The following ROBO2 variants were observed in gnomAD, a reference collection of about 807,000 sequenced individuals.
ROBO2 encodes the protein roundabout guidance receptor 2, also known as roundabout homolog 2.
ROBO2 carries 53 observed loss-of-function variants against 160.8 expected under a neutral mutation model. The ratio of observed to expected loss-of-function variants is 0.33; its 90% CI spans 0.26 to 0.41. The LOEUF (loss-of-function observed/expected upper bound fraction) is 0.41, where lower values mean the gene tolerates loss of function less well. ROBO2 is among the 10% of genes least tolerant of loss of function. The pLI, the probability that ROBO2 is intolerant of heterozygous loss-of-function variation, is 1.00. For synonymous variants in ROBO2, 664 were observed against 611.7 expected, an observed-to-expected ratio of 1.09 and a Z score of -1.26; for missense variants, 1,577 against 1,722.4, an observed-to-expected ratio of 0.92 and a Z score of 1.49.
At chr3:76,733,466 C>T (rs1366127569) in intron 2 of ROBO2, among the ~76,000 whole-genome samples, 1 of 152,222 alleles carries the variant, frequency 6.6e-6, no homozygotes, top group African/African-American at 2.4e-5. Context: ...GCTAAATTTA[C>T]CAACTTATTG....
intron 6 of ROBO2, among the ~76,000 whole-genome samples, chr3:77,533,631 C>T (rs1412470151): frequency 6.6e-6 from 1 of 152,148 alleles, no homozygotes; most frequent in Non-Finnish European, 1.5e-5. Flanking sequence ...CCACCACAAC[C>T]TTCATAGCCA....
chr3:76,727,151 CAT>C (rs1488201633), intron 2 of ROBO2, among the ~76,000 whole-genome samples: 1 of 152,010 alleles, frequency 6.6e-6, no homozygotes. Context: ...GTATTTGTAA[CAT>C]AGAAAAAGCT....
chr3:76,669,106 C>T (rs2092165153), intron 2 of ROBO2, among the ~76,000 whole-genome samples: 1 of 152,040 alleles, frequency 6.6e-6, no homozygotes, highest in African/African-American at 2.4e-5. Flanking sequence ...AAAACAGGCT[C>T]CTCTGACCCT....
At chr3:76,212,713 G>A (rs914594315) in intron 2 of ROBO2, among the ~76,000 whole-genome samples, 8 of 152,014 alleles carry the variant, frequency 5.3e-5, no homozygotes, top group East Asian at 3.9e-4. Context: ...TTTCTGCTGC[G>A]TAAGTTTTCC....
At chr3:77,525,679 T>C (rs2091069986) in intron 6 of ROBO2, among the ~76,000 whole-genome samples, 1 of 151,260 alleles carries the variant, frequency 6.6e-6, no homozygotes, top group Non-Finnish European at 1.5e-5. Flanking sequence ...GGAAAAATCA[T>C]ATTGTTTCTA....
At position 76,958,823 on chromosome 3, in the gene ROBO2, G is replaced by A. The variant is rs529178139; in HGVS notation, c.110-139191G>A. 1.2e-4 allele frequency among the ~76,000 whole-genome samples: 18 copies of A among 152,238 alleles called. No homozygotes were observed. In the South Asian group the frequency reaches 3.3e-3, roughly 28 times the overall value. ...AACAAAAACATCCTTTTTGTCCATCGTGTATTCACATATGTTTTGCAGAAA... is the reference window on the plus strand; with the variant it reads ...AACAAAAACATCCTTTTTGTCCATCATGTATTCACATATGTTTTGCAGAAA... On this transcript the variant is annotated intron_variant, in intron 2 of 26. Coordinates refer to the ROBO2 transcript ENST00000487694.
intron 2 of ROBO2, among the ~76,000 whole-genome samples, chr3:76,648,022 C>G (rs1458342876): frequency 1.3e-5 from 2 of 151,996 alleles, no homozygotes; most frequent in African/African-American, 4.8e-5. Context: ...AAAACCCTAT[C>G]TAATTATTTT....
At chr3:77,454,346 C>T (rs922057419) in intron 2 of ROBO2, among the ~76,000 whole-genome samples, 1 of 152,060 alleles carries the variant, frequency 6.6e-6, no homozygotes, top group Non-Finnish European at 1.5e-5. Flanking sequence ...CAGTTGGCCT[C>T]GTCAATTTCT....
At chr3:76,374,586 A>C (rs945687516) in intron 2 of ROBO2, among the ~76,000 whole-genome samples, 2 of 151,886 alleles carry the variant, frequency 1.3e-5, no homozygotes, top group Non-Finnish European at 2.9e-5. Context: ...ATTATCAGAG[A>C]AAAAAACTCC....
At chr3:76,033,332 G>C (rs2066991871) in intron 2 of ROBO2, among the ~76,000 whole-genome samples, 1 of 151,892 alleles carries the variant, frequency 6.6e-6, no homozygotes, top group Admixed American at 6.6e-5. Flanking sequence ...CACCGACCAG[G>C]ATATGCTGTG....
chr3:76,358,615 A>G (rs1357453072), intron 2 of ROBO2, among the ~76,000 whole-genome samples: 2 of 152,024 alleles, frequency 1.3e-5, no homozygotes, highest in East Asian at 3.9e-4. Context: ...TTAGATTCAA[A>G]TGATAGCTGG....
chr3:76,632,384 A>C (rs1180618616), intron 2 of ROBO2, among the ~76,000 whole-genome samples: 1 of 152,138 alleles, frequency 6.6e-6, no homozygotes, highest in African/African-American at 2.4e-5. Flanking sequence ...TAAGTACATC[A>C]AGGAAGGGTC....
At chr3:77,466,173 T>C (rs1241723529) in intron 2 of ROBO2, among the ~76,000 whole-genome samples, 1 of 152,152 alleles carries the variant, frequency 6.6e-6, no homozygotes, top group East Asian at 1.9e-4. Flanking sequence ...TTAGGATACA[T>C]TTCAAGTCTC....
chr3:75,960,410 G>A (rs2107270536), intron 2 of ROBO2, among the ~76,000 whole-genome samples: 1 of 151,920 alleles, frequency 6.6e-6, no homozygotes, highest in Middle Eastern at 3.4e-3. Context: ...CAGACAGCAA[G>A]TTAACATAAT....
intron 2 of ROBO2, among the ~76,000 whole-genome samples, chr3:76,130,486 A>T (rs2071183929): frequency 6.6e-6 from 1 of 152,098 alleles, no homozygotes; most frequent in South Asian, 2.1e-4. Context: ...ATTTATATAA[A>T]TTTACAGAAC....
chr3:76,154,843 A>G (rs1489777188), intron 2 of ROBO2, among the ~76,000 whole-genome samples: 1 of 152,168 alleles, frequency 6.6e-6, no homozygotes, highest in Non-Finnish European at 1.5e-5. Flanking sequence ...AATGACACCA[A>G]CATACTGATT....
chr3:76,594,712 T>A (rs368678008), intron 2 of ROBO2, among the ~76,000 whole-genome samples: 191 of 152,124 alleles, frequency 1.3e-3, no homozygotes, highest in African/African-American at 4.3e-3. Flanking sequence ...AGTGAGTGGA[T>A]AAATGTATTT....
chr3:76,055,331 C>A (rs988830691), intron 2 of ROBO2, among the ~76,000 whole-genome samples: 1 of 152,102 alleles, frequency 6.6e-6, no homozygotes, highest in East Asian at 1.9e-4. Context: ...ATTGTCACCA[C>A]CATCTTTTTA....
chr3:77,583,230 C>A (rs545671690), intron 16 of ROBO2, among the ~76,000 whole-genome samples: 80 of 151,056 alleles, frequency 5.3e-4, no homozygotes, highest in South Asian at 4.0e-3. Context: ...CTTTTCAACT[C>A]AGGGATGCTG....
Sources: allele counts gnomAD v4.1 joint callset (sites outside exome capture counted in the v4.1 genomes callset), GRCh38; gene constraint gnomAD v4.1.1; transcripts MANE v1.5; gene names NCBI Gene and HGNC (gene_info 2026-07-23, HGNC 2026-07-21).